DNAH17: variants seen among roughly 807,000 people sequenced by gnomAD.
DNAH17 encodes the protein axonemal beta dynein heavy chain 17.
Under a neutral mutation model 485.6 loss-of-function variants are expected in DNAH17, and 376 were observed. That is an observed-to-expected ratio of 0.77 (90% CI 0.71 to 0.84). DNAH17 has a LOEUF of 0.84. Among genes scored for constraint, DNAH17 ranks in the 40% least tolerant of loss-of-function variants. DNAH17 has a pLI of 0.00. For synonymous variants in DNAH17, 3,031 were observed against 2,405.9 expected, an observed-to-expected ratio of 1.26 and a Z score of -7.60; for missense variants, 6,370 against 5,839.3, an observed-to-expected ratio of 1.09 and a Z score of -2.96.
intron 17 of DNAH17, among the ~76,000 whole-genome samples, chr17:78,542,117 G>T (rs74256142): frequency 5.5e-5 from 1 of 18,168 alleles, no homozygotes; most frequent in South Asian, 1.7e-3. Context: ...ACTGGAAACC[G>T]CCCCCCCCAA....
chr17:78,426,351 G>A (rs1049080908), intron 79 of DNAH17, 106 bp downstream of exon 79: 10 of 1,358,312 alleles, frequency 7.4e-6, no homozygotes, highest in Non-Finnish European at 9.7e-6. Flanking sequence ...AGGCCCCCAG[G>A]AGCCTCCTGG....
At chr17:78,456,768 C>A (rs1456526584) in intron 62 of DNAH17, among the ~76,000 whole-genome samples, 1 of 152,234 alleles carries the variant, frequency 6.6e-6, no homozygotes, top group Non-Finnish European at 1.5e-5. Context: ...GACCTAGAGA[C>A]CATTTCGATT....
intron 16 of DNAH17, 111 bp from the exon 17 acceptor site, chr17:78,544,108 G>T: frequency 1.4e-6 from 2 of 1,476,472 alleles, no homozygotes. Flanking sequence ...CCTGATCTTG[G>T]ATTGGAGTCT....
chr17:78,509,920 G>A (rs942114303), intron 27 of DNAH17, among the ~76,000 whole-genome samples: 2 of 152,298 alleles, frequency 1.3e-5, no homozygotes, highest in South Asian at 2.1e-4. Context: ...AGTGGCTCAC[G>A]CCTGTAATCC....
chr17:78,560,943 CA>C lies in DNAH17; in HGVS notation c.1836-9del, dbSNP rs1568257159. 5 of 1,546,520 alleles carry C rather than the reference CA, an allele frequency of 3.2e-6. No homozygotes were observed. In the South Asian group the frequency reaches 3.6e-5, roughly 11 times the overall value. ...TCTGCTCCAGACATGACCCTGGAAT[CA>C]GAGCGGGAAGGCGAGGCCCCACTGG... On this transcript the variant is annotated splice_polypyrimidine_tract_variant and intron_variant, in intron 12 of 80. Transcript: ENST00000389840.
chr17:78,474,730 G>A (rs1207952325), intron 54 of DNAH17, among the ~76,000 whole-genome samples: 2 of 151,268 alleles, frequency 1.3e-5, no homozygotes, highest in African/African-American at 4.9e-5. Context: ...CTTCACCTCA[G>A]TCACACTGGC....
chr17:78,520,719 A>G (rs531338142), intron 25 of DNAH17, among the ~76,000 whole-genome samples: 1 of 139,562 alleles, frequency 7.2e-6, no homozygotes, highest in South Asian at 2.2e-4. Context: ...AATCACAAAA[A>G]AATCAAAGAA....
chr17:78,503,802 C>T (rs868679913), intron 31 of DNAH17, among the ~76,000 whole-genome samples: 2 of 151,888 alleles, frequency 1.3e-5, no homozygotes, highest in Non-Finnish European at 2.9e-5. Context: ...CCCGTCTCTA[C>T]TAAAAATACA....
At position 78,494,880 on chromosome 17, in the gene DNAH17, G is replaced by A; in HGVS notation, c.6043-60C>T. On this transcript the variant is annotated intron_variant, in intron 39 of 80. Transcript: ENST00000389840. ...CTCACCTTCCTGTGGCCAGCAGGCA[G>A]GTCTGGAAGCCAACCCTGGCTGCTG... The A allele has an allele frequency of 2.5e-6, 4 of 1,573,910 alleles. No homozygotes were observed. In the Admixed American group the frequency reaches 7.0e-5, roughly 27 times the overall value.
intron 41 of DNAH17, 81 bp downstream of exon 41, chr17:78,493,955 A>G: frequency 6.7e-7 from 1 of 1,499,058 alleles, no homozygotes; most frequent in Middle Eastern, 2.4e-4. Context: ...GGTGGCGGGG[A>G]GTGATGGAGG....
chr17:78,494,057 A>C lies in DNAH17; in HGVS notation c.6387T>G (p.Asn2129Lys). ...ACACCTGAGATTTGCCGCTGCCCGC[A>C]TTCCCGACGATGAACACGGAGTGGC... ...QVRHSVFIVG[N>K]AGSGKSQVLK... is the part of the protein sequence containing the mutation. The change falls in exon 41 of 81, where the codon AAT becomes AAG. Residue 2129 changes from asparagine to lysine, a missense_variant. Physicochemically the swap from Asn to Lys is moderately conservative, Grantham distance 94. Coordinates refer to ENST00000389840, the MANE Select transcript of DNAH17 (RefSeq NM_173628.4). The C allele has an allele frequency of 1.2e-6, 2 of 1,612,850 alleles. No homozygotes were observed. Among genetic ancestry groups the C allele is most frequent in the East Asian group, 2.2e-5 (1 of 44,864 alleles).
intron 16 of DNAH17, among the ~76,000 whole-genome samples, chr17:78,545,303 C>G (rs182570279): frequency 6.6e-6 from 1 of 152,216 alleles, no homozygotes; most frequent in East Asian, 1.9e-4. Context: ...GCTTCATGGT[C>G]AGAAAAACGC....
rs569206280 is a variant in DNAH17 at position 78,449,188 on chromosome 17, T to C, written c.11211+226A>G. 3.5e-4 allele frequency among the ~76,000 whole-genome samples: 54 copies of C among 152,304 alleles called. No homozygotes were observed. In the South Asian group the frequency reaches 9.3e-3, roughly 26 times the overall value. Reference sequence around the variant, plus strand: ...AACACCACCCCTTCACTAGCTCCCATTGGAATACTGTGCCAGCTTCCCAAA... The same window carrying C: ...AACACCACCCCTTCACTAGCTCCCACTGGAATACTGTGCCAGCTTCCCAAA... On this transcript the variant is annotated intron_variant, in intron 69 of 80. Coordinates refer to ENST00000389840, the MANE Select transcript of DNAH17 (RefSeq NM_173628.4).
rs1555697985 is a variant in DNAH17 at position 78,570,874 on chromosome 17, A to AAG, written c.918+73_918+74insCT. The stretch of plus-strand genomic sequence containing the variant: ...TCCCTCTCAAAAAAAAAAAAAAAAA[A>AAG]AAAAGAAAAAAGAAAAGAAAAGAAA... On this transcript the variant is annotated intron_variant, in intron 6 of 80. Coordinates refer to ENST00000389840, the MANE Select transcript of DNAH17 (RefSeq NM_173628.4). 5.0e-5 allele frequency: 40 copies of AAG among 800,010 alleles called. No individual in the cohort carries two copies. In the African/African-American group the frequency reaches 6.7e-4, roughly 13 times the overall value. 49.6% of individuals were successfully genotyped at this position (800,010 alleles called of 1,614,324 possible).
chr17:78,458,724 A>C (rs1418399603), intron 61 of DNAH17, 44 bp from the exon 62 acceptor site: 2 of 1,532,216 alleles, frequency 1.3e-6, no homozygotes, highest in Non-Finnish European at 1.8e-6. Context: ...CCCACGAGGC[A>C]TCTCTAGCCC....
At chr17:78,547,841 C>T (rs1053051357) in intron 16 of DNAH17, among the ~76,000 whole-genome samples, 3 of 150,300 alleles carry the variant, frequency 2.0e-5, no homozygotes, top group Admixed American at 6.6e-5. Context: ...TGGTCTTGAA[C>T]TCCTGACCTC....
chr17:78,516,593 G>C (rs1371462187), intron 25 of DNAH17, among the ~76,000 whole-genome samples: 1 of 151,868 alleles, frequency 6.6e-6, no homozygotes, highest in Non-Finnish European at 1.5e-5. Flanking sequence ...GGGAGGCTGA[G>C]GCAGGAGAAT....
At chr17:78,518,122 C>T (rs1200360270) in intron 25 of DNAH17, among the ~76,000 whole-genome samples, 1 of 152,150 alleles carries the variant, frequency 6.6e-6, no homozygotes, top group African/African-American at 2.4e-5. Context: ...AACAAAATGG[C>T]AGACATAGGC....
In DNAH17 at chr17:78,494,261, G is replaced by A. The variant is rs878934386; in HGVS notation, c.6271-88C>T. 2.0e-6 allele frequency: 3 copies of A among 1,522,894 alleles called. No individual in the cohort carries two copies. In the South Asian group the frequency reaches 3.8e-5, roughly 19 times the overall value. 94.3% of individuals were successfully genotyped at this position (1,522,894 alleles called of 1,614,324 possible). ...AGGCTGGGGGGCTTCCTGCCCCGTGGGGGAGATGATAAAGGCGCCCTTGCC... is the reference window on the plus strand; with the variant it reads ...AGGCTGGGGGGCTTCCTGCCCCGTGAGGGAGATGATAAAGGCGCCCTTGCC... On this transcript the variant is annotated intron_variant, in intron 40 of 80. Coordinates refer to ENST00000389840, the MANE Select transcript of DNAH17 (RefSeq NM_173628.4).
Sources: allele counts gnomAD v4.1 joint callset (sites outside exome capture counted in the v4.1 genomes callset), GRCh38; gene constraint gnomAD v4.1.1; transcripts MANE v1.5; gene names NCBI Gene and HGNC (gene_info 2026-07-23, HGNC 2026-07-21).